C2CD2: variants seen among roughly 807,000 people sequenced by gnomAD.
C2CD2 encodes the protein C2 calcium dependent domain containing 2.
C2CD2 carries 43 observed loss-of-function variants against 74.3 expected under a neutral mutation model. The ratio of observed to expected loss-of-function variants is 0.58; its 90% confidence interval spans 0.45 to 0.75. C2CD2 has a LOEUF of 0.75. Ranked by LOEUF, C2CD2 falls within the 30% of genes least tolerant of loss-of-function variation. C2CD2 has a pLI of 0.00. For synonymous variants in C2CD2, 422 were observed against 390.7 expected (o/e 1.08, Z -0.94); for missense variants, 801 against 916.3 (o/e 0.87, Z 1.63).
chr21:41,947,184 T>A (rs1324080343), intron 1 of C2CD2, among the ~76,000 whole-genome samples: 2 of 109,318 alleles, frequency 1.8e-5, no homozygotes, highest in Middle Eastern at 5.7e-3. Context: ...TGAGACGGAG[T>A]TTCACTCTTG....
chr21:41,933,260 G>GT (rs34078516), intron 2 of C2CD2, among the ~76,000 whole-genome samples: 37,034 of 145,692 alleles, frequency 0.25, 6,351 homozygotes, highest in Middle Eastern at 0.36. Flanking sequence ...TTCTGTTACA[G>GT]TTTTTTTTTT....
chr21:41,909,388 T>C lies in C2CD2; in HGVS notation c.1018+71A>G. On this transcript the variant is annotated intron_variant, in intron 8 of 13. Coordinates refer to ENST00000380486, the MANE Select transcript of C2CD2 (RefSeq NM_015500.2). ...TCTGCTGGATCTCCCACCGCCCTTT[T>C]CCTGAGGCCGAGGTCATGCAGCGGA... is the stretch of plus-strand genomic sequence containing the variant. The C allele has an allele frequency of 6.6e-6, 7 of 1,059,420 alleles. 1 individual carries two copies. In the South Asian group the frequency reaches 7.5e-5, roughly 11 times the overall value. 65.6% of individuals were successfully genotyped at this position (1,059,420 alleles called of 1,614,324 possible). A position where few individuals can be genotyped will look rare whatever the true frequency, so the allele number is the denominator to read the frequency against.
intron 2 of C2CD2, among the ~76,000 whole-genome samples, chr21:41,940,291 A>C (rs1235139106): frequency 6.6e-6 from 1 of 152,226 alleles, no homozygotes; most frequent in Non-Finnish European, 1.5e-5. Flanking sequence ...ATGAACTACA[A>C]AGAAAAGAAC....
rs2091343020 is a variant in C2CD2 at position 41,926,197 on chromosome 21, A to G, written c.379-4112T>C. 6.6e-6 allele frequency among the ~76,000 whole-genome samples: 1 copy of G among 152,166 alleles called. No individual in the cohort carries two copies. The highest frequency in any genetic ancestry group is 2.4e-5 in the African/African-American group (1 of 41,420). On this transcript the variant is annotated intron_variant, in intron 2 of 13. Coordinates refer to ENST00000380486, the MANE Select transcript of C2CD2 (RefSeq NM_015500.2). The surrounding 1 kb of genome is among the most constrained non-coding windows in gnomAD (Gnocchi z 8.0). ...CCTCGACAACAACCAACCATCCCCC[A>G]ACCTGCATTTTTTTGACATTTTTTT...
chr21:41,909,499 C>T lies in C2CD2; in HGVS notation c.978G>A (p.Glu326=). 6.2e-7 allele frequency: 1 copy of T among 1,613,678 alleles called. No individual in the cohort carries two copies. The highest frequency in any genetic ancestry group is 8.5e-7 in the Non-Finnish European group (1 of 1,179,548). ...FTFELNAKSK[E]LHLQISEAGR... is the part of the protein sequence containing the mutation. ...CAGCCTCTGAAATCTGCAGGTGTAA[C>T]TCCTTCGACTTGGCATTCAACTCGC... The change falls in exon 8 of 14, where the codon GAG becomes GAA. Residue 326 remains glutamate, a synonymous_variant. Transcript: ENST00000380486.
At position 41,901,521 on chromosome 21, in the gene C2CD2, A is replaced by G. The variant is rs760564057; in HGVS notation, c.1560+101T>C. On this transcript the variant is annotated intron_variant, in intron 12 of 13. Coordinates refer to ENST00000380486, the MANE Select transcript of C2CD2 (RefSeq NM_015500.2). ...GACATTTGTAAATGGAACTCTCTGG[A>G]CGTTAACCAAGTGCTTGGGCTAACT... The G allele has an allele frequency of 5.0e-6, 6 of 1,197,538 alleles. No individual in the cohort carries two copies. The East Asian group carries it at 9.3e-5, about 19-fold the overall frequency. The allele number at this position is 1,197,538 out of a possible 1,614,324, so 74.2% of individuals were successfully genotyped here. A position where few individuals can be genotyped will look rare whatever the true frequency, so the allele number is the denominator to read the frequency against.
At chr21:41,907,513 C>A in intron 9 of C2CD2, 147 bp downstream of exon 9, 1 of 846,556 alleles carries the variant, frequency 1.2e-6, no homozygotes, top group South Asian at 1.8e-5. Context: ...CGAGTCTGGT[C>A]CTGCGTACGA....
rs2146144443 is a variant in C2CD2 at position 41,899,091 on chromosome 21, A to G, written c.1832T>C (p.Met611Thr). The G allele has an allele frequency of 1.2e-6, 2 of 1,613,916 alleles. No individual in the cohort carries two copies. Among genetic ancestry groups the G allele is most frequent in the Non-Finnish European group, 1.7e-6 (2 of 1,179,906 alleles). The change falls in exon 13 of 14, where the codon ATG becomes ACG. Residue 611 changes from methionine (M) to threonine (T), a missense_variant. By Grantham distance (81) the Met-to-Thr change is moderately conservative (BLOSUM62 -1). Transcript: ENST00000380486. The surrounding 1 kb of genome is among the most constrained non-coding windows in gnomAD (Gnocchi z 4.4). ...PDGDELSESS[M>T]SVLEPGTAKK... The stretch of plus-strand genomic sequence containing the variant: ...GGCAGTGCCCGGCTCCAAGACACTC[A>G]TGGAGCTCTCTGACAGCTCATCACC...
rs1489001600 is a variant in C2CD2, at chr21:41,914,252, C to T, written c.844+346G>A. Among the ~76,000 whole-genome samples the T allele has an allele frequency of 2.0e-5, 3 of 150,304 alleles. No homozygotes were observed. The East Asian group carries it at 5.8e-4, about 29-fold the overall frequency. On this transcript the variant is annotated intron_variant, in intron 6 of 13. Coordinates refer to ENST00000380486, the MANE Select transcript of C2CD2 (RefSeq NM_015500.2). ...AAAAAAAAGAAAGCAGAAGCTGCAC[C>T]TTGGTCAAGGATGCTTAACACATAC...
chr21:41,944,938 C>T (rs527760269), intron 1 of C2CD2, among the ~76,000 whole-genome samples: 13 of 152,278 alleles, frequency 8.5e-5, no homozygotes, highest in South Asian at 4.1e-4. Flanking sequence ...ACATGCACTA[C>T]GAATGAACAA....
In C2CD2 at chr21:41,953,788, C is replaced by T. The variant is rs2146243665; in HGVS notation, c.-140G>A. ...GGCGGGGTCGGAGCCCGGCGAGGAGCGTGGCCGGGGGCCTCTGGGCGGGCA... is the reference window on the plus strand; with the variant it reads ...GGCGGGGTCGGAGCCCGGCGAGGAGTGTGGCCGGGGGCCTCTGGGCGGGCA... On this transcript the variant is annotated 5_prime_UTR_variant, in exon 1 of 14. Coordinates refer to ENST00000380486, the MANE Select transcript of C2CD2 (RefSeq NM_015500.2). 3 of 779,122 alleles carry T rather than the reference C, an allele frequency of 3.9e-6. No homozygotes were observed. The highest frequency in any genetic ancestry group is 3.9e-5 in the East Asian group (1 of 25,788). The allele number at this position is 779,122 out of a possible 1,614,324, so 48.3% of individuals were successfully genotyped here.
chr21:41,893,698 CTTTTTTTT>C (rs60305027), intron 13 of C2CD2, among the ~76,000 whole-genome samples: 115 of 122,100 alleles, frequency 9.4e-4, no homozygotes, highest in African/African-American at 3.1e-3. Context: ...TGTTAAATTT[CTTTTTTTT>C]TTTTTTTTTT....
In C2CD2 at chr21:41,895,737, A is replaced by G. The variant is rs959930405; in HGVS notation, c.1870+3316T>C. ...TAGCTCTAATGTCATAAATATTTCCAAATGTATTCCTATTTGTCTCTACAG... is the reference window on the plus strand; with the variant it reads ...TAGCTCTAATGTCATAAATATTTCCGAATGTATTCCTATTTGTCTCTACAG... On this transcript the variant is annotated intron_variant, in intron 13 of 13. Coordinates refer to ENST00000380486, the MANE Select transcript of C2CD2 (RefSeq NM_015500.2). This position sits in a 1 kb window ranked among gnomAD's most constrained non-coding sequence, Gnocchi z 5.0. 6.6e-6 allele frequency among the ~76,000 whole-genome samples: 1 copy of G among 152,236 alleles called. No homozygotes were observed. The highest frequency in any genetic ancestry group is 2.4e-5 in the African/African-American group (1 of 41,454).
chr21:41,915,843 C>T (rs867315614), intron 5 of C2CD2, among the ~76,000 whole-genome samples: 13 of 151,940 alleles, frequency 8.6e-5, no homozygotes, highest in Admixed American at 3.9e-4. Flanking sequence ...ATGTGCACAA[C>T]GTGCGGGTTA....
Position 41,939,572 on chromosome 21 carries a change from A to C in C2CD2, c.378+2575T>G, listed in dbSNP as rs1000103514. ...ACGGCTCTCTGCACCTCAGCTCCCA[A>C]GAGTATAAAATGGGCACTGGAGCAC... On this transcript the variant is annotated intron_variant, in intron 2 of 13. Transcript: ENST00000380486. The surrounding 1 kb of genome is among the most constrained non-coding windows in gnomAD (Gnocchi z 5.5). 1.3e-4 allele frequency among the ~76,000 whole-genome samples: 20 copies of C among 152,298 alleles called. No individual in the cohort carries two copies. Among genetic ancestry groups the C allele is most frequent in the Admixed American group, 8.5e-4 (13 of 15,308 alleles).
intron 2 of C2CD2, among the ~76,000 whole-genome samples, chr21:41,934,106 G>A (rs2065286448): frequency 6.6e-6 from 1 of 151,982 alleles, no homozygotes; most frequent in Non-Finnish European, 1.5e-5. Flanking sequence ...AACTATTTCT[G>A]TAATTATATC....
rs1191773063 is a variant in C2CD2, at chr21:41,924,853, TC to T, written c.379-2769del. 6.6e-6 allele frequency among the ~76,000 whole-genome samples: 1 copy of T among 152,118 alleles called. No individual in the cohort carries two copies. Among genetic ancestry groups the T allele is most frequent in the Non-Finnish European group, 1.5e-5 (1 of 68,026 alleles). On this transcript the variant is annotated intron_variant, in intron 2 of 13. Coordinates refer to ENST00000380486, the MANE Select transcript of C2CD2 (RefSeq NM_015500.2). This position sits in a 1 kb window ranked among gnomAD's most constrained non-coding sequence, Gnocchi z 4.4. ...AGAAAGAATTTCATTTTCTTTCGTA[TC>T]CAGTTCTGCAGAAAGCTTCCCACCA...
In C2CD2 at chr21:41,895,055, A is replaced by G. The variant is rs1179725036; in HGVS notation, c.1870+3998T>C. ...GGGAAGGCATTGTGTAGATGTGGAT[A>G]ACAACTCCAGCCAGTGGACTTTAAG... On this transcript the variant is annotated intron_variant, in intron 13 of 13. Coordinates refer to ENST00000380486, the MANE Select transcript of C2CD2 (RefSeq NM_015500.2). This position sits in a 1 kb window ranked among gnomAD's most constrained non-coding sequence, Gnocchi z 5.0. 4.7e-6 allele frequency: 2 copies of G among 429,554 alleles called. No individual in the cohort carries two copies. Among genetic ancestry groups the G allele is most frequent in the South Asian group, 1.7e-5 (1 of 60,340 alleles). The allele number at this position is 429,554 out of a possible 1,614,324, so 26.6% of individuals were successfully genotyped here.
intron 1 of C2CD2, among the ~76,000 whole-genome samples, chr21:41,944,223 G>A (rs2065378951): frequency 6.6e-6 from 1 of 152,160 alleles, no homozygotes; most frequent in African/African-American, 2.4e-5. Context: ...ACCTTGAAAA[G>A]AGTTTGCAGC....
Sources: gnomAD v4.1 joint callset for allele counts (sites outside exome capture counted in the v4.1 genomes callset) on GRCh38, gnomAD v4.1.1 for gene constraint, Gnocchi (gnomAD v3.1) non-coding constraint, MANE v1.5 for transcripts, NCBI Gene and HGNC (gene_info 2026-07-23, HGNC 2026-07-21) for gene names.